ADARB2: variants seen among roughly 807,000 people sequenced by gnomAD.
ADARB2 encodes the protein inactive double-stranded RNA-specific editase B2.
A neutral mutation model predicts 62.2 loss-of-function variants in ADARB2; 25 were observed. That is an observed-to-expected ratio of 0.40 (90% confidence interval 0.29 to 0.56). The LOEUF (loss-of-function observed/expected upper bound fraction) is 0.56. Ranked by LOEUF, ADARB2 falls within the 20% of genes least tolerant of loss-of-function variation. The pLI is 0.43. For missense variants in ADARB2, 1,071 were observed against 1,077.4 expected, an observed-to-expected ratio of 0.99 and a Z score of 0.08; for synonymous variants, 572 against 500.8, an observed-to-expected ratio of 1.14 and a Z score of -1.90.
Position 1,200,045 on chromosome 10 carries a change from G to A in ADARB2, c.1785C>T (p.Leu595=), listed in dbSNP as rs756692633. Reference sequence around the variant, plus strand: ...CCATGCGGTGGCTCATGACGCGTGCGAGGTGGCCCGTGTGGTGCAGGCTGC... The same window carrying A: ...CCATGCGGTGGCTCATGACGCGTGCAAGGTGGCCCGTGTGGTGCAGGCTGC... ...VVGSLHHTGH[L]ARVMSHRMEG... The change falls in exon 8 of 10, where the codon CTC becomes CTT. Residue 595 remains leucine (L), a synonymous_variant. Transcript: ENST00000381312. The A allele has an allele frequency of 9.4e-6, 15 of 1,595,894 alleles. No individual in the cohort carries two copies. Among genetic ancestry groups the A allele is most frequent in the African/African-American group, 5.3e-5 (4 of 74,898 alleles).
chr10:1,630,043 C>G (rs79363523), intron 1 of ADARB2, among the ~76,000 whole-genome samples: 2,832 of 152,288 alleles, frequency 0.019, 88 homozygotes, highest in African/African-American at 0.064. Context: ...TCATGGCCAC[C>G]TAGACAGGAG....
At chr10:1,506,898 G>A (rs1434399074) in intron 1 of ADARB2, among the ~76,000 whole-genome samples, 3 of 152,210 alleles carry the variant, frequency 2.0e-5, no homozygotes, top group Non-Finnish European at 2.9e-5. Context: ...GTCCCTCTCC[G>A]ATCCCTGCCG....
At chr10:1,353,558 C>T (rs558940918) in intron 3 of ADARB2, among the ~76,000 whole-genome samples, 3 of 152,258 alleles carry the variant, frequency 2.0e-5, no homozygotes, top group South Asian at 2.1e-4. Flanking sequence ...CGCCCTCCTC[C>T]GCACTTACTT....
chr10:1,606,675 G>A (rs114404432), intron 1 of ADARB2, among the ~76,000 whole-genome samples: 2,264 of 152,236 alleles, frequency 0.015, 56 homozygotes, highest in African/African-American at 0.05. Flanking sequence ...CAGGTTTAGC[G>A]GTAGTAGAAG....
chr10:1,625,776 C>T (rs532461471), intron 1 of ADARB2, among the ~76,000 whole-genome samples: 72 of 152,278 alleles, frequency 4.7e-4, no homozygotes, highest in African/African-American at 1.5e-3. Context: ...GAGGCCTGCC[C>T]GACCCCTCTC....
At chr10:1,443,639 C>T (rs1447165409) in intron 1 of ADARB2, among the ~76,000 whole-genome samples, 2 of 152,104 alleles carry the variant, frequency 1.3e-5, no homozygotes, top group Non-Finnish European at 2.9e-5. Flanking sequence ...ATAGAAACCT[C>T]CTTTTTTTCA....
At chr10:1,386,680 G>A (rs1832528151) in intron 1 of ADARB2, among the ~76,000 whole-genome samples, 1 of 151,892 alleles carries the variant, frequency 6.6e-6, no homozygotes, top group Non-Finnish European at 1.5e-5. Flanking sequence ...CAAAATGAAG[G>A]AGGGTAGAAA....
rs1047793045 is a variant in ADARB2, at chr10:1,570,408, G to T, written c.100+166643C>A. Among the ~76,000 whole-genome samples the T allele has an allele frequency of 5.9e-5, 9 of 151,590 alleles. No homozygotes were observed. The East Asian group carries it at 1.6e-3, about 26-fold the overall frequency. Reference sequence around the variant, plus strand: ...CCAGCACCTGCACCTGCGAGGTGCTGGGTAGAATGCCCAGTGACAGTGGAG... The same window carrying T: ...CCAGCACCTGCACCTGCGAGGTGCTTGGTAGAATGCCCAGTGACAGTGGAG... On this transcript the variant is annotated intron_variant, in intron 1 of 9. Transcript: ENST00000381312.
intron 1 of ADARB2, among the ~76,000 whole-genome samples, chr10:1,539,155 TG>T (rs1301179646): frequency 6.6e-6 from 1 of 152,206 alleles, no homozygotes. Flanking sequence ...GGCAGCACTC[TG>T]GGTTCAAAGC....
intron 1 of ADARB2, among the ~76,000 whole-genome samples, chr10:1,531,479 C>T (rs1478500886): frequency 1.3e-5 from 2 of 152,228 alleles, no homozygotes; most frequent in Non-Finnish European, 2.9e-5. Context: ...AACTGCAGCT[C>T]AGTCAAGCAT....
chr10:1,493,138 G>A (rs752465732), intron 1 of ADARB2, among the ~76,000 whole-genome samples: 1 of 152,166 alleles, frequency 6.6e-6, no homozygotes, highest in African/African-American at 2.4e-5. Context: ...TGTACACTTC[G>A]ATTAAGTCAG....
intron 1 of ADARB2, among the ~76,000 whole-genome samples, chr10:1,400,115 G>A (rs924629636): frequency 6.6e-5 from 10 of 152,352 alleles, no homozygotes; most frequent in African/African-American, 2.2e-4. Flanking sequence ...AGGGTTGGAG[G>A]CACCGCTGAG....
chr10:1,624,457 C>T (rs1180990434), intron 1 of ADARB2, among the ~76,000 whole-genome samples: 3 of 152,162 alleles, frequency 2.0e-5, no homozygotes, highest in Non-Finnish European at 2.9e-5. Flanking sequence ...CACGCCCTCC[C>T]ACCTTGCCTC....
At chr10:1,670,927 C>A (rs543545905) in intron 1 of ADARB2, among the ~76,000 whole-genome samples, 87 of 152,262 alleles carry the variant, frequency 5.7e-4, no homozygotes, top group Admixed American at 2.2e-3. Context: ...AGAACGTCAG[C>A]GCCACAGACA....
intron 3 of ADARB2, among the ~76,000 whole-genome samples, chr10:1,303,924 C>T (rs1282444557): frequency 1.3e-5 from 2 of 152,086 alleles, no homozygotes; most frequent in Non-Finnish European, 2.9e-5. Context: ...AAAATCATGC[C>T]AAAATGTAAA....
intron 1 of ADARB2, among the ~76,000 whole-genome samples, chr10:1,718,355 G>C (rs1835047567): frequency 6.6e-6 from 1 of 152,176 alleles, no homozygotes; most frequent in South Asian, 2.1e-4. Context: ...GGACGGTCAG[G>C]CTTCTGCTGG....
chr10:1,649,436 T>A (rs1426352791), intron 1 of ADARB2, among the ~76,000 whole-genome samples: 2 of 152,206 alleles, frequency 1.3e-5, no homozygotes, highest in Non-Finnish European at 2.9e-5. Flanking sequence ...CCACAGTTCA[T>A]CTTTCCTGAC....
At chr10:1,254,855 T>TC (rs1319090306) in intron 4 of ADARB2, among the ~76,000 whole-genome samples, 4 of 152,236 alleles carry the variant, frequency 2.6e-5, no homozygotes, top group African/African-American at 9.6e-5. Context: ...TCTGTGGGCA[T>TC]CCACAGATGC....
intron 6 of ADARB2, among the ~76,000 whole-genome samples, chr10:1,232,699 G>T (rs1830819936): frequency 6.6e-6 from 1 of 151,202 alleles, no homozygotes; most frequent in African/African-American, 2.4e-5. Context: ...TATATGTGGT[G>T]TGTGCAGTGT....
Sources: gnomAD v4.1 joint callset for allele counts (sites outside exome capture counted in the v4.1 genomes callset) on GRCh38, gnomAD v4.1.1 for gene constraint, MANE v1.5 for transcripts, NCBI Gene and HGNC (gene_info 2026-07-23, HGNC 2026-07-21) for gene names.